The following BTBD8 variants were observed in gnomAD, a reference collection of about 807,000 sequenced individuals.
BTBD8 encodes BTB/POZ domain-containing protein 8.
In BTBD8, 110 loss-of-function variants were observed where a neutral mutation model predicts 162.9. The observed-to-expected ratio is 0.68, with a 90% CI of 0.58 to 0.79. The LOEUF (loss-of-function observed/expected upper bound fraction) is 0.79, where lower values mean the gene tolerates loss of function less well. Ranked by LOEUF, BTBD8 falls within the 30% of genes least tolerant of loss-of-function variation. BTBD8 has a pLI of 0.00. For missense variants in BTBD8, 1,905 were observed against 2,085.4 expected, an observed-to-expected ratio of 0.91 and a Z score of 1.68; for synonymous variants, 667 against 716.1, an observed-to-expected ratio of 0.93 and a Z score of 1.10.
At chr1:92,092,318 A>G (rs371157663) in intron 2 of BTBD8, among the ~76,000 whole-genome samples, 4 of 151,692 alleles carry the variant, frequency 2.6e-5, no homozygotes, top group South Asian at 2.1e-4. Flanking sequence ...TAGGAGGATC[A>G]CTTGAGCCCA....
intron 2 of BTBD8, among the ~76,000 whole-genome samples, chr1:92,099,265 T>C (rs1397514012): frequency 6.6e-6 from 1 of 152,194 alleles, no homozygotes; most frequent in East Asian, 1.9e-4. Flanking sequence ...CATTCTTATG[T>C]CAGTACTACA....
intron 2 of BTBD8, among the ~76,000 whole-genome samples, chr1:92,093,139 A>G (rs1396885359): frequency 1.3e-5 from 2 of 150,370 alleles, no homozygotes; most frequent in Admixed American, 6.7e-5. Flanking sequence ...AATCACTATC[A>G]TTTTTCAGTA....
intron 9 of BTBD8, among the ~76,000 whole-genome samples, chr1:92,153,208 TTTC>T (rs1371072609): frequency 6.6e-6 from 1 of 152,124 alleles, no homozygotes; most frequent in Non-Finnish European, 1.5e-5. Context: ...TTTAAAAAAA[TTTC>T]TTGTGTGTTT....
At chr1:92,102,867 C>T (rs1273525457) in intron 3 of BTBD8, among the ~76,000 whole-genome samples, 198 bp downstream of exon 3, 2 of 152,064 alleles carry the variant, frequency 1.3e-5, no homozygotes, top group Non-Finnish European at 2.9e-5. Context: ...TAAATCCATA[C>T]ATAACTCACA....
At chr1:92,178,562 C>G in intron 16 of BTBD8, 111 bp downstream of exon 16, 1 of 826,042 alleles carries the variant, frequency 1.2e-6, no homozygotes, top group Non-Finnish European at 1.9e-6. Context: ...TGGTTTTACT[C>G]ATTTTATGTT....
At chr1:92,177,645 G>C in intron 14 of BTBD8, 99 bp downstream of exon 14, 5 of 879,452 alleles carry the variant, frequency 5.7e-6, no homozygotes, top group Non-Finnish European at 7.0e-6. Flanking sequence ...TTTAGTTTCA[G>C]ATGCCAACAG....
chr1:92,182,698 A>C, intron 17 of BTBD8, 103 bp downstream of exon 17: 1 of 633,770 alleles, frequency 1.6e-6, no homozygotes, highest in Non-Finnish European at 2.5e-6. Flanking sequence ...AGATAGAATA[A>C]TTACTTAAGC....
intron 12 of BTBD8, among the ~76,000 whole-genome samples, chr1:92,169,456 T>C (rs895656573): frequency 7.9e-5 from 12 of 152,184 alleles, no homozygotes; most frequent in African/African-American, 2.7e-4. Context: ...TTCAATGATG[T>C]GGAGTGTGCT....
intron 3 of BTBD8, 59 bp downstream of exon 3, chr1:92,102,728 A>T (rs1648624764): frequency 1.5e-6 from 2 of 1,316,446 alleles, no homozygotes; most frequent in Non-Finnish European, 2.0e-6. Context: ...ATTCTGATAC[A>T]GTTAGAGAAA....
At chr1:92,148,211 T>G (rs932035028) in intron 9 of BTBD8, among the ~76,000 whole-genome samples, 1 of 152,184 alleles carries the variant, frequency 6.6e-6, no homozygotes, top group African/African-American at 2.4e-5. Context: ...AAGGCCGTGC[T>G]TTGTTCTCAC....
At chr1:92,151,085 G>T (rs2100643674) in intron 9 of BTBD8, among the ~76,000 whole-genome samples, 1 of 152,302 alleles carries the variant, frequency 6.6e-6, no homozygotes, top group South Asian at 2.1e-4. Context: ...AGGCATGGTG[G>T]CTCGCGCCTG....
intron 5 of BTBD8, among the ~76,000 whole-genome samples, chr1:92,133,969 CA>C (rs11401420): frequency 6.7e-4 from 95 of 140,986 alleles, no homozygotes; most frequent in African/African-American, 1.2e-3. Flanking sequence ...GACTCTGTCT[CA>C]AAAAAAAAAA....
chr1:92,085,662 A>G (rs904686190), intron 1 of BTBD8, among the ~76,000 whole-genome samples: 7 of 152,158 alleles, frequency 4.6e-5, no homozygotes, highest in African/African-American at 1.7e-4. Context: ...CCCAGGAGGT[A>G]GAGGTTGCAG....
At chr1:92,175,157 A>G (rs1379043960) in intron 13 of BTBD8, among the ~76,000 whole-genome samples, 6 of 149,074 alleles carry the variant, frequency 4.0e-5, no homozygotes, top group African/African-American at 1.2e-4. Context: ...CTTCCAAAGG[A>G]AAAAAAAAAC....
intron 2 of BTBD8, among the ~76,000 whole-genome samples, chr1:92,101,850 C>T (rs1025440936): frequency 6.6e-6 from 1 of 151,992 alleles, no homozygotes. Context: ...GTGCATGCCA[C>T]CACACTCTGC....
chr1:92,142,205 G>T (rs1252079819), intron 7 of BTBD8, among the ~76,000 whole-genome samples: 1 of 152,168 alleles, frequency 6.6e-6, no homozygotes, highest in African/African-American at 2.4e-5. Context: ...GCAGCTGGTG[G>T]TGTCCTCAGC....
At chr1:92,083,174 C>A (rs1473333302) in intron 1 of BTBD8, among the ~76,000 whole-genome samples, 3 of 151,278 alleles carry the variant, frequency 2.0e-5, no homozygotes, top group African/African-American at 7.3e-5. Context: ...AGAATAAGAA[C>A]CTTGGCAATC....
In BTBD8 at chr1:92,152,704, G is replaced by A. The variant is rs1650072284; in HGVS notation, c.1122+4918G>A. On this transcript the variant is annotated intron_variant, in intron 9 of 17. Coordinates refer to ENST00000636805, the MANE Select transcript of BTBD8 (RefSeq NM_001376131.1). ...TGGTAGGTATGTGATTTTAATTGAAGAATAAGCCCATCAAACTATGCCTCT... is the reference window on the plus strand; with the variant it reads ...TGGTAGGTATGTGATTTTAATTGAAAAATAAGCCCATCAAACTATGCCTCT... Among the ~76,000 whole-genome samples, 3 of 151,970 alleles carry A rather than the reference G, an allele frequency of 2.0e-5. No individual in the cohort carries two copies. In the South Asian group the frequency reaches 6.2e-4, roughly 32 times the overall value.
chr1:92,139,155 CTT>C lies in BTBD8; in HGVS notation c.753-194_753-193del, dbSNP rs560995156. ...ATAACATACTAATAACCTTGTATAACTTATATAAAAATCCATTGTTGTAGTTC... is the reference window on the plus strand; with the variant it reads ...ATAACATACTAATAACCTTGTATAACATATAAAAATCCATTGTTGTAGTTC... On this transcript the variant is annotated intron_variant, in intron 5 of 17. Coordinates refer to ENST00000636805, the MANE Select transcript of BTBD8 (RefSeq NM_001376131.1). Among the ~76,000 whole-genome samples, 11 of 152,244 alleles carry C rather than the reference CTT, an allele frequency of 7.2e-5. No individual in the cohort carries two copies. The East Asian group carries it at 1.9e-3, about 27-fold the overall frequency.
Sources: allele counts gnomAD v4.1 joint callset (sites outside exome capture counted in the v4.1 genomes callset), GRCh38; gene constraint gnomAD v4.1.1; transcripts MANE v1.5; gene names NCBI Gene and HGNC (gene_info 2026-07-23, HGNC 2026-07-21).